Variants in TANGO6 observed in about 807,000 individuals in gnomAD.
TANGO6 encodes the protein transport and golgi organization 6 homolog, also known as transport and Golgi organization protein 6 homolog.
TANGO6 carries 90 observed loss-of-function variants against 114.2 expected under a neutral mutation model. The observed-to-expected ratio is 0.79, with a 90% CI of 0.66 to 0.94. The LOEUF (loss-of-function observed/expected upper bound fraction) is 0.94. Ranked by LOEUF, TANGO6 falls within the 40% of genes least tolerant of loss-of-function variation. The pLI, the probability that TANGO6 is intolerant of heterozygous loss-of-function variation, is 0.00. For synonymous variants in TANGO6, 477 were observed against 509.8 expected, an observed-to-expected ratio of 0.94 and a Z score of 0.87; for missense variants, 1,274 against 1,315.3, an observed-to-expected ratio of 0.97 and a Z score of 0.49.
intron 4 of TANGO6, among the ~76,000 whole-genome samples, chr16:68,872,758 G>T (rs573306434): frequency 6.6e-6 from 1 of 150,488 alleles, no homozygotes; most frequent in Non-Finnish European, 1.5e-5. Flanking sequence ...ATGCAGTGGC[G>T]CGATCTCGGC....
At chr16:68,876,459 C>T (rs1962362268) in intron 5 of TANGO6, among the ~76,000 whole-genome samples, 1 of 152,140 alleles carries the variant, frequency 6.6e-6, no homozygotes, top group South Asian at 2.1e-4. Context: ...CCATGCCAGG[C>T]CAGTGCTAAT....
At chr16:69,043,283 A>AGT (rs57443398) in intron 17 of TANGO6, among the ~76,000 whole-genome samples, 9,030 of 146,646 alleles carry the variant, frequency 0.062, 292 homozygotes, top group African/African-American at 0.089. Flanking sequence ...AGACAGAGCG[A>AGT]GTGTGTGTGT....
chr16:69,082,367 G>A (rs1323234440), intron 17 of TANGO6, among the ~76,000 whole-genome samples: 5 of 152,032 alleles, frequency 3.3e-5, no homozygotes, highest in African/African-American at 1.2e-4. Context: ...GCCTCTCAAA[G>A]TGCTGGGATT....
intron 9 of TANGO6, among the ~76,000 whole-genome samples, chr16:68,906,143 G>A (rs537025613): frequency 2.3e-4 from 35 of 152,116 alleles, no homozygotes; most frequent in African/African-American, 7.5e-4. Flanking sequence ...TCGCGCCATT[G>A]CATTCCAGCC....
chr16:68,958,848 G>A (rs1205019363), intron 14 of TANGO6, among the ~76,000 whole-genome samples: 3 of 151,982 alleles, frequency 2.0e-5, no homozygotes, highest in Admixed American at 1.3e-4. Flanking sequence ...TGAGGCAGGA[G>A]GATCATCTGA....
intron 4 of TANGO6, among the ~76,000 whole-genome samples, chr16:68,870,849 C>T (rs979814321): frequency 1.3e-5 from 2 of 150,608 alleles, no homozygotes; most frequent in Non-Finnish European, 2.9e-5. Flanking sequence ...CCCACGATCT[C>T]GGCTCACTGC....
chr16:68,928,084 G>A lies in TANGO6; in HGVS notation c.2643+1G>A, dbSNP rs1359423385. 6.4e-7 allele frequency: 1 copy of A among 1,571,242 alleles called. No homozygotes were observed. The highest frequency in any genetic ancestry group is 8.6e-7 in the Non-Finnish European group (1 of 1,157,924). On this transcript the variant is annotated splice_donor_variant, in intron 13 of 17. Transcript: ENST00000261778. LOFTEE classifies it high-confidence loss of function. The stretch of plus-strand genomic sequence containing the variant: ...TGAGATGCAAGAGAAGCTTCTCAAG[G>A]TGAGTAGAACACACTGTAAAGACAC...
At chr16:68,986,193 G>T (rs1484638244) in intron 15 of TANGO6, among the ~76,000 whole-genome samples, 1 of 152,218 alleles carries the variant, frequency 6.6e-6, no homozygotes, top group Non-Finnish European at 1.5e-5. Context: ...ACTTCTAAAA[G>T]TCAGAACAAA....
At chr16:68,933,529 C>T (rs1308685710) in intron 14 of TANGO6, among the ~76,000 whole-genome samples, 1 of 152,190 alleles carries the variant, frequency 6.6e-6, no homozygotes, top group Non-Finnish European at 1.5e-5. Context: ...CTTGGCTGGG[C>T]AGCTGGCCCC....
chr16:68,943,654 C>T (rs994896607), intron 14 of TANGO6, among the ~76,000 whole-genome samples: 5 of 152,066 alleles, frequency 3.3e-5, no homozygotes, highest in South Asian at 2.1e-4. Flanking sequence ...CGTGAGCCAC[C>T]GCACCCGGCC....
At chr16:68,857,144 A>G (rs1044396432) in intron 1 of TANGO6, among the ~76,000 whole-genome samples, 1 of 151,980 alleles carries the variant, frequency 6.6e-6, no homozygotes, top group Non-Finnish European at 1.5e-5. Context: ...ACCATGCTCC[A>G]CATATTCTTT....
intron 11 of TANGO6, among the ~76,000 whole-genome samples, chr16:68,913,788 G>A (rs1472506015): frequency 1.3e-5 from 2 of 152,166 alleles, no homozygotes; most frequent in Non-Finnish European, 2.9e-5. Context: ...TGGACAGGAA[G>A]CACCAGATAA....
At chr16:69,018,821 G>A (rs1597059914) in intron 15 of TANGO6, among the ~76,000 whole-genome samples, 1 of 152,056 alleles carries the variant, frequency 6.6e-6, no homozygotes, top group Non-Finnish European at 1.5e-5. Context: ...CAGCTACTCA[G>A]GAGGTTGAGG....
rs75769051 is a variant in TANGO6, at chr16:68,961,807, C to A, written c.2702-12221C>A. Among the ~76,000 whole-genome samples the A allele has an allele frequency of 6.4e-3, 981 of 152,272 alleles. 8 individuals carry two copies. Among genetic ancestry groups the A allele is most frequent in the African/African-American group, 0.023 (935 of 41,544 alleles). ...GTCAATGATAGTTAAGAGAAGTGGT[C>A]AGGCACAAATAAATTTTCCTGCTGA... On this transcript the variant is annotated intron_variant, in intron 14 of 17. Coordinates refer to ENST00000261778, the MANE Select transcript of TANGO6 (RefSeq NM_024562.2).
At chr16:68,872,859 G>A (rs1962298395) in intron 4 of TANGO6, among the ~76,000 whole-genome samples, 1 of 150,732 alleles carries the variant, frequency 6.6e-6, no homozygotes, top group African/African-American at 2.4e-5. Context: ...ACCACACCCA[G>A]CTAATATATT....
In TANGO6 at chr16:68,909,204, C is replaced by G; in HGVS notation, c.1801-7C>G. 6.6e-7 allele frequency: 1 copy of G among 1,521,370 alleles called. No individual in the cohort carries two copies. Among genetic ancestry groups the G allele is most frequent in the Non-Finnish European group, 8.9e-7 (1 of 1,128,614 alleles). The allele number at this position is 1,521,370 out of a possible 1,614,324, so 94.2% of individuals were successfully genotyped here. A position where few individuals can be genotyped will look rare whatever the true frequency, so the allele number is the denominator to read the frequency against. On this transcript the variant is annotated splice_polypyrimidine_tract_variant and splice_region_variant and intron_variant, in intron 10 of 17. Coordinates refer to ENST00000261778, the MANE Select transcript of TANGO6 (RefSeq NM_024562.2). ...TCTTCACTTTTTCTTTCCTGCCATG[C>G]TTGTAGGAGTTGACTCATGTGGCCT... is the stretch of plus-strand genomic sequence containing the variant.
chr16:68,883,567 A>G (rs1962494573), intron 7 of TANGO6, among the ~76,000 whole-genome samples: 2 of 152,186 alleles, frequency 1.3e-5, no homozygotes, highest in Admixed American at 6.5e-5. Flanking sequence ...GGTTGTTTCC[A>G]TAATAGCCAT....
intron 17 of TANGO6, among the ~76,000 whole-genome samples, chr16:69,045,573 C>T (rs1392563955): frequency 6.6e-6 from 1 of 151,468 alleles, no homozygotes; most frequent in African/African-American, 2.4e-5. Context: ...GAAACCCCCT[C>T]TCTACTAAAA....
At chr16:68,852,640 G>A (rs1420147471) in intron 1 of TANGO6, among the ~76,000 whole-genome samples, 1 of 151,886 alleles carries the variant, frequency 6.6e-6, no homozygotes, top group Non-Finnish European at 1.5e-5. Flanking sequence ...GACCAGCCTG[G>A]GCAACATAGT....
Sources: gnomAD v4.1 joint callset for allele counts (sites outside exome capture counted in the v4.1 genomes callset) on GRCh38, gnomAD v4.1.1 for gene constraint, MANE v1.5 for transcripts, NCBI Gene and HGNC (gene_info 2026-07-23, HGNC 2026-07-21) for gene names.